TMPRSS9: variants seen among roughly 807,000 people sequenced by gnomAD.
The protein encoded by TMPRSS9 is transmembrane serine protease 9, also known as transmembrane protease serine 9.
TMPRSS9 carries 113 observed loss-of-function variants against 111.4 expected under a neutral mutation model. The observed-to-expected ratio is 1.01, with a 90% CI of 0.87 to 1.19. The LOEUF is 1.19. TMPRSS9 is among the 50% of genes most tolerant of loss of function. The pLI is 0.00. For missense variants in TMPRSS9, 1,803 were observed against 1,513.1 expected (o/e 1.19, Z -3.18); for synonymous variants, 805 against 659.1 (o/e 1.22, Z -3.39).
chr19:2,388,095 G>A (rs547699239), upstream of TMPRSS9, among the ~76,000 whole-genome samples: 2 of 152,224 alleles, frequency 1.3e-5, no homozygotes, highest in South Asian at 2.1e-4. Context: ...ACCTCCCTTC[G>A]AAAGCTGGCA....
intron 6 of TMPRSS9, among the ~76,000 whole-genome samples, chr19:2,403,901 G>A (rs1451629933): frequency 4.0e-5 from 6 of 150,888 alleles, no homozygotes; most frequent in South Asian, 2.1e-4. Context: ...GCTGAGGCAG[G>A]AGAATGGCGT....
intron 7 of TMPRSS9, among the ~76,000 whole-genome samples, chr19:2,406,121 C>T (rs1970965014): frequency 6.7e-6 from 1 of 148,248 alleles, no homozygotes. Context: ...CGCCATTCTC[C>T]TGCCTCAGCC....
chr19:2,389,983 C>T, intron 1 of TMPRSS9, 56 bp downstream of exon 2: 1 of 1,566,880 alleles, frequency 6.4e-7, no homozygotes, highest in South Asian at 1.2e-5. Flanking sequence ...TGCAAAGTCA[C>T]CGGGAAGTGA....
chr19:2,384,148 C>T (rs1455794666), intron 1 of TMPRSS9, among the ~76,000 whole-genome samples: 1 of 152,176 alleles, frequency 6.6e-6, no homozygotes, highest in Non-Finnish European at 1.5e-5. Flanking sequence ...GCTTCCTTTT[C>T]TGTGGGTTTC....
chr19:2,377,797 C>T (rs1421930257), intron 1 of TMPRSS9, among the ~76,000 whole-genome samples: 1 of 140,304 alleles, frequency 7.1e-6, no homozygotes, highest in African/African-American at 2.7e-5. Context: ...ACTGCAGCCT[C>T]GACCTTCCAG....
chr19:2,361,302 C>A (rs1180904608), intron 1 of TMPRSS9, among the ~76,000 whole-genome samples: 1 of 88,124 alleles, frequency 1.1e-5, no homozygotes. Flanking sequence ...TGGTGGGGTG[C>A]AGGGCTGGGA....
chr19:2,416,431 C>T, intron 11 of TMPRSS9, 107 bp from the exon 13 acceptor site: 1 of 1,440,158 alleles, frequency 6.9e-7, no homozygotes, highest in Non-Finnish European at 9.2e-7. Context: ...TCCTGGGGCC[C>T]AGGCAGCCCT....
chr19:2,405,543 T>C, exon 7 of TMPRSS9: 1 of 1,561,458 alleles, frequency 6.4e-7, no homozygotes, highest in Non-Finnish European at 8.6e-7. Context: ...ACTGCTTCAA[T>C]GAGTAAGCCC....
chr19:2,385,646 G>A (rs1159080602), upstream of TMPRSS9, among the ~76,000 whole-genome samples: 2 of 152,118 alleles, frequency 1.3e-5, no homozygotes, highest in Non-Finnish European at 2.9e-5. Flanking sequence ...GAGGCCAGGA[G>A]TTCAAGGCCA....
At chr19:2,395,125 A>G (rs746841743) in intron 1 of TMPRSS9, among the ~76,000 whole-genome samples, 1 of 151,930 alleles carries the variant, frequency 6.6e-6, no homozygotes, top group Non-Finnish European at 1.5e-5. Flanking sequence ...TGCTAAAAAT[A>G]CAAAAATTAA....
chr19:2,409,001 A>G (rs1331450026), intron 8 of TMPRSS9, among the ~76,000 whole-genome samples: 1 of 132,886 alleles, frequency 7.5e-6, no homozygotes, highest in African/African-American at 2.9e-5. Flanking sequence ...AATAATAATA[A>G]TAATAATAAT....
exon 11 of TMPRSS9, chr19:2,415,726 G>C: frequency 6.2e-7 from 1 of 1,609,804 alleles, no homozygotes; most frequent in Non-Finnish European, 8.5e-7. Context: ...CGGGTTCGGA[G>C]CTGCCTCCGG....
chr19:2,401,992 T>C, exon 5 of TMPRSS9: 8 of 1,611,242 alleles, frequency 5.0e-6, no homozygotes, highest in Non-Finnish European at 6.8e-6. Context: ...TAAGGGACCC[T>C]TGGCAGAAAG....
exon 10 of TMPRSS9, chr19:2,413,881 C>A: frequency 1.2e-6 from 2 of 1,613,564 alleles, no homozygotes. Context: ...CTGGCCCCCA[C>A]CATGGCTCCT....
At chr19:2,408,592 G>T in exon 8 of TMPRSS9, 1 of 1,613,332 alleles carries the variant, frequency 6.2e-7, no homozygotes, top group East Asian at 2.2e-5. Flanking sequence ...AGCAAGAAGT[G>T]CCTGATCTCA....
chr19:2,397,402 T>C (rs907203939), intron 2 of TMPRSS9, among the ~76,000 whole-genome samples: 1 of 152,034 alleles, frequency 6.6e-6, no homozygotes, highest in East Asian at 1.9e-4. Context: ...GCGATTCTCC[T>C]GTCTCAGCCT....
intron 1 of TMPRSS9, among the ~76,000 whole-genome samples, chr19:2,363,793 T>TGTGTGCGCGCGC (rs1568464288): frequency 5.1e-4 from 68 of 132,166 alleles, no homozygotes; most frequent in African/African-American, 1.8e-3. Flanking sequence ...TGTGTGAGTG[T>TGTGTGCGCGCGC]GTGTGTGTGT....
At chr19:2,416,637 C>G in exon 12 of TMPRSS9, 1 of 1,612,888 alleles carries the variant, frequency 6.2e-7, no homozygotes, top group Admixed American at 1.7e-5. Context: ...TAGTGCTGCA[C>G]CCCCTCTACA....
intron 6 of TMPRSS9, among the ~76,000 whole-genome samples, 178 bp from the exon 8 acceptor site, chr19:2,405,196 G>A (rs1466488839): frequency 6.6e-6 from 1 of 152,094 alleles, no homozygotes; most frequent in Non-Finnish European, 1.5e-5. Context: ...GGCAGCCGAG[G>A]AGTTGAAGAG....
Sources: gnomAD v4.1 joint callset for allele counts (sites outside exome capture counted in the v4.1 genomes callset) on GRCh38, gnomAD v4.1.1 for gene constraint, MANE v1.5 for transcripts, NCBI Gene and HGNC (gene_info 2026-07-23, HGNC 2026-07-21) for gene names.